Variants in SULF1 observed in about 807,000 individuals in gnomAD.
SULF1 encodes extracellular sulfatase Sulf-1.
A neutral mutation model predicts 110.5 loss-of-function variants in SULF1; 46 were observed. The observed-to-expected ratio is 0.42, with a 90% CI of 0.33 to 0.53. The LOEUF is 0.53. Among genes scored for constraint, SULF1 ranks in the 20% least tolerant of loss-of-function variants. The pLI is 0.12. For missense variants in SULF1, 941 were observed against 1,094.2 expected, an observed-to-expected ratio of 0.86 and a Z score of 1.98; for synonymous variants, 371 against 387.1, an observed-to-expected ratio of 0.96 and a Z score of 0.49.
chr8:69,537,683 T>G, intron 3 of SULF1, among the ~76,000 whole-genome samples: 1 of 152,174 alleles, frequency 6.6e-6, no homozygotes, highest in East Asian at 1.9e-4. Context: ...ACAGTTACTA[T>G]CCTGCCATAT....
rs369423636 is a variant in SULF1 at position 69,629,557 on chromosome 8, G to A, written c.2162G>A (p.Arg721His). Residue 721 changes from arginine to histidine, a missense_variant, in exon 19 of 23, where the codon CGT becomes CAT. Transcript: ENST00000402687. The part of the protein sequence containing the change: ...SKLQLFKENN[R>H]RRKKERKEKR... ...CTGCAACTTTTCAAGGAGAACAACC[G>A]TAGGAGGAAGAAGGAGAGGAAGGAG... 33 of 1,613,880 alleles carry A rather than the reference G, an allele frequency of 2.0e-5. No homozygotes were observed. Among genetic ancestry groups the A allele is most frequent in the African/African-American group, 2.7e-5 (2 of 74,916 alleles).
At chr8:69,589,923 T>C (rs1806768797) in intron 8 of SULF1, among the ~76,000 whole-genome samples, 1 of 152,226 alleles carries the variant, frequency 6.6e-6, no homozygotes, top group African/African-American at 2.4e-5. Context: ...GAGTTGGCTC[T>C]GTGTCTGCTG....
At chr8:69,536,922 G>A (rs1813463164) in intron 3 of SULF1, among the ~76,000 whole-genome samples, 3 of 152,140 alleles carry the variant, frequency 2.0e-5, no homozygotes, top group Admixed American at 1.3e-4. Context: ...CCAGGCGCTT[G>A]ACTGCCTGAG....
intron 3 of SULF1, among the ~76,000 whole-genome samples, chr8:69,521,515 G>T (rs1262587369): frequency 6.6e-6 from 1 of 152,130 alleles, no homozygotes; most frequent in Admixed American, 6.6e-5. Flanking sequence ...ACCAGATCTT[G>T]ACGAAGAATG....
At chr8:69,606,708 C>T (rs1323491059) in intron 13 of SULF1, among the ~76,000 whole-genome samples, 4 of 152,312 alleles carry the variant, frequency 2.6e-5, no homozygotes, top group Middle Eastern at 3.4e-3. Flanking sequence ...TTTTCACTCA[C>T]GAGCTGAATG....
chr8:69,608,211 T>G (rs1808378087), intron 13 of SULF1, among the ~76,000 whole-genome samples: 1 of 152,224 alleles, frequency 6.6e-6, no homozygotes, highest in African/African-American at 2.4e-5. Flanking sequence ...AGTCTCAGGT[T>G]TTCTATCTCT....
At chr8:69,574,237 G>C (rs999858260) in intron 5 of SULF1, among the ~76,000 whole-genome samples, 2 of 152,040 alleles carry the variant, frequency 1.3e-5, no homozygotes, top group Admixed American at 6.5e-5. Flanking sequence ...TCTCTGCCCA[G>C]CCTTCAAGCT....
chr8:69,544,332 G>A (rs901486779), intron 3 of SULF1, among the ~76,000 whole-genome samples: 13 of 151,666 alleles, frequency 8.6e-5, no homozygotes, highest in African/African-American at 2.7e-4. Context: ...ACAGTGCCAC[G>A]ATCTCGGCTC....
intron 3 of SULF1, among the ~76,000 whole-genome samples, chr8:69,525,782 C>A (rs1196640347): frequency 1.3e-5 from 2 of 152,258 alleles, no homozygotes; most frequent in Admixed American, 6.5e-5. Context: ...CCCACAGGTT[C>A]CACTCTCAGG....
chr8:69,502,690 C>CTCT (rs1810895799), intron 3 of SULF1, among the ~76,000 whole-genome samples: 1 of 125,912 alleles, frequency 7.9e-6, no homozygotes, highest in Admixed American at 8.2e-5. Flanking sequence ...CTTTTTTTTT[C>CTCT]TTTTTTTTTT....
At chr8:69,643,227 G>A (rs1338370213) in intron 22 of SULF1, among the ~76,000 whole-genome samples, 1 of 152,198 alleles carries the variant, frequency 6.6e-6, no homozygotes, top group Non-Finnish European at 1.5e-5. Flanking sequence ...AGTGTTTGAT[G>A]TGGCCTTACC....
At chr8:69,476,547 T>C (rs1809304760) in intron 1 of SULF1, among the ~76,000 whole-genome samples, 1 of 152,174 alleles carries the variant, frequency 6.6e-6, no homozygotes, top group Non-Finnish European at 1.5e-5. Flanking sequence ...TACTGAAAAT[T>C]TGTGGGAATA....
At chr8:69,579,465 C>T (rs1009934470) in intron 6 of SULF1, among the ~76,000 whole-genome samples, 1 of 150,852 alleles carries the variant, frequency 6.6e-6, no homozygotes, top group African/African-American at 2.5e-5. Context: ...AGGAGAATCA[C>T]TTGAACCAAG....
chr8:69,576,305 T>C (rs1224026652), intron 6 of SULF1, 96 bp downstream of exon 6: 7 of 1,414,992 alleles, frequency 4.9e-6, no homozygotes, highest in Non-Finnish European at 6.7e-6. Context: ...TTCCAACAAA[T>C]ACCTAAAAAA....
intron 19 of SULF1, among the ~76,000 whole-genome samples, chr8:69,635,237 T>G (rs1327395152): frequency 2.0e-5 from 3 of 152,374 alleles, no homozygotes; most frequent in Middle Eastern, 3.4e-3. Flanking sequence ...AATGTCATCA[T>G]GCATTGTCCA....
At position 69,564,081 on chromosome 8, in the gene SULF1, C is replaced by G; in HGVS notation, c.106C>G (p.Gln36Glu). 6.2e-7 allele frequency: 1 copy of G among 1,614,176 alleles called. No homozygotes were observed. Among genetic ancestry groups the G allele is most frequent in the East Asian group, 2.2e-5 (1 of 44,880 alleles). ...RSPRFRGRIQ[Q>E]ERKNIRPNII... ...CCCGAGGTTCAGAGGACGGATACAG[C>G]AGGAACGAAAAAACATCCGACCCAA... The change falls in exon 5 of 23, where the codon CAG becomes GAG. Residue 36 changes from glutamine to glutamate, a missense_variant. This residue lies in a region of SULF1 where 822 missense variants were observed against 934.3 expected (regional missense o/e 0.88). Coordinates refer to ENST00000402687, the MANE Select transcript of SULF1 (RefSeq NM_001128205.2).
intron 22 of SULF1, among the ~76,000 whole-genome samples, chr8:69,645,378 G>A (rs764672713): frequency 2.0e-5 from 3 of 152,128 alleles, no homozygotes; most frequent in South Asian, 2.1e-4. Flanking sequence ...CCCAGGCTGC[G>A]GAATGAAATG....
At chr8:69,610,457 A>C (rs1808551480) in intron 13 of SULF1, among the ~76,000 whole-genome samples, 1 of 152,226 alleles carries the variant, frequency 6.6e-6, no homozygotes, top group Non-Finnish European at 1.5e-5. Context: ...TCAAAATGGC[A>C]GCATGGCTCA....
chr8:69,646,822 CA>C (rs1231703390), intron 22 of SULF1, among the ~76,000 whole-genome samples: 3 of 151,534 alleles, frequency 2.0e-5, no homozygotes, highest in African/African-American at 7.3e-5. Flanking sequence ...TAATAATACA[CA>C]AGGATTTCAT....
Sources: allele counts gnomAD v4.1 joint callset (sites outside exome capture counted in the v4.1 genomes callset), GRCh38; gene constraint gnomAD v4.1.1; regional missense constraint gnomAD v4.1.1; transcripts MANE v1.5; gene names NCBI Gene and HGNC (gene_info 2026-07-23, HGNC 2026-07-21).